MCC: variants seen among roughly 807,000 people sequenced by gnomAD.
MCC encodes MCC regulator of Wnt signaling pathway, also known as colorectal mutant cancer protein.
Under a neutral mutation model 116.2 loss-of-function variants are expected in MCC, and 90 were observed. The ratio of observed to expected loss-of-function variants is 0.77; its 90% CI spans 0.65 to 0.92. The LOEUF (loss-of-function observed/expected upper bound fraction) is 0.92, where lower values mean the gene tolerates loss of function less well. Among genes scored for constraint, MCC ranks in the 40% least tolerant of loss-of-function variants. The pLI, the probability that MCC is intolerant of heterozygous loss-of-function variation, is 0.00. For synonymous variants in MCC, 578 were observed against 510.5 expected (o/e 1.13, Z -1.78); for missense variants, 1,516 against 1,312.2 (o/e 1.16, Z -2.40).
intron 8 of MCC, among the ~76,000 whole-genome samples, chr5:113,101,041 A>T (rs1756375652): frequency 6.6e-6 from 1 of 152,198 alleles, no homozygotes; most frequent in Non-Finnish European, 1.5e-5. Context: ...AGGCTTTAAC[A>T]ATTCTGCCGA....
At chr5:113,367,546 A>G (rs1269305379) in intron 2 of MCC, among the ~76,000 whole-genome samples, 1 of 148,390 alleles carries the variant, frequency 6.7e-6, no homozygotes, top group Non-Finnish European at 1.5e-5. Context: ...TCTCATTGCA[A>G]TAGAAATTGA....
At chr5:113,284,491 C>T (rs760482388) in intron 3 of MCC, among the ~76,000 whole-genome samples, 9 of 152,052 alleles carry the variant, frequency 5.9e-5, no homozygotes, top group Non-Finnish European at 1.2e-4. Flanking sequence ...AAACACATAC[C>T]TTAATGTAAA....
intron 8 of MCC, among the ~76,000 whole-genome samples, chr5:113,089,625 T>C (rs1485841433): frequency 6.6e-6 from 1 of 152,262 alleles, no homozygotes; most frequent in Non-Finnish European, 1.5e-5. Context: ...CTATCTGCTA[T>C]GGTAGCCTGG....
At chr5:113,051,317 G>T (rs1330542253) in intron 15 of MCC, among the ~76,000 whole-genome samples, 2 of 152,124 alleles carry the variant, frequency 1.3e-5, no homozygotes, top group Non-Finnish European at 2.9e-5. Flanking sequence ...GATGCAAAAA[G>T]TAAGAGTCAG....
chr5:113,322,028 C>T (rs565830918), intron 3 of MCC, among the ~76,000 whole-genome samples: 1 of 152,276 alleles, frequency 6.6e-6, no homozygotes, highest in East Asian at 1.9e-4. Context: ...GACGGAGTTT[C>T]ACCTTATTGG....
chr5:113,046,710 A>AG (rs1554107698), intron 16 of MCC, among the ~76,000 whole-genome samples: 1,160 of 102,426 alleles, frequency 0.011, 192 homozygotes, highest in Non-Finnish European at 0.017. Context: ...AAAAAAAAAA[A>AG]AGAGAGAGAT....
Position 113,025,244 on chromosome 5 carries a change from T to TA in MCC, c.*2057_*2058insT, listed in dbSNP as rs1424008732. On this transcript the variant is annotated 3_prime_UTR_variant, in exon 19 of 19. Coordinates refer to ENST00000408903, the MANE Select transcript of MCC (RefSeq NM_001085377.2). ...AAGCTGGAAAAATAGTGAAAACTGA[T>TA]TTTTTTTTTTTTGGGGCATATGTTT... The TA allele has an allele frequency of 2.3e-4, 10 of 44,318 alleles. No individual in the cohort carries two copies. Among genetic ancestry groups the TA allele is most frequent in the African/African-American group, 4.7e-4 (10 of 21,160 alleles). 2.7% of individuals were successfully genotyped at this position (44,318 alleles called of 1,614,324 possible). A position where few individuals can be genotyped will look rare whatever the true frequency, so the allele number is the denominator to read the frequency against.
intron 8 of MCC, among the ~76,000 whole-genome samples, chr5:113,095,345 G>A (rs887873518): frequency 3.3e-5 from 5 of 152,096 alleles, no homozygotes; most frequent in African/African-American, 1.2e-4. Flanking sequence ...GTAGACTTGG[G>A]CAAGATTGTT....
intron 3 of MCC, among the ~76,000 whole-genome samples, chr5:113,171,375 A>G (rs555749887): frequency 1.7e-4 from 26 of 151,492 alleles, no homozygotes; most frequent in Admixed American, 1.4e-3. Context: ...TTAATTTTTG[A>G]GACAGAGTGT....
intron 1 of MCC, among the ~76,000 whole-genome samples, chr5:113,475,931 T>A: frequency 6.6e-6 from 1 of 152,220 alleles, no homozygotes; most frequent in South Asian, 2.1e-4. Flanking sequence ...CTAATTCCTG[T>A]TGCAAAGATT....
intron 2 of MCC, among the ~76,000 whole-genome samples, chr5:113,367,495 TTC>T (rs1458520313): frequency 6.6e-6 from 1 of 152,020 alleles, no homozygotes; most frequent in South Asian, 2.1e-4. Flanking sequence ...TCTGTTTTCA[TTC>T]TCTTTCATGT....
chr5:113,328,310 G>A (rs1375653336), intron 3 of MCC, among the ~76,000 whole-genome samples: 2 of 152,196 alleles, frequency 1.3e-5, no homozygotes, highest in Non-Finnish European at 2.9e-5. Context: ...ATAATCGTAG[G>A]AACACATTAA....
At chr5:113,467,354 T>C (rs1771939929) in intron 1 of MCC, among the ~76,000 whole-genome samples, 1 of 151,310 alleles carries the variant, frequency 6.6e-6, no homozygotes, top group East Asian at 1.9e-4. Context: ...CCTGAATTAA[T>C]TTTTGTATAA....
At chr5:113,307,219 AGTCT>A (rs1309394495) in intron 3 of MCC, among the ~76,000 whole-genome samples, 7 of 152,160 alleles carry the variant, frequency 4.6e-5, no homozygotes, top group Non-Finnish European at 1.0e-4. Context: ...GCGTGCACGG[AGTCT>A]GTAGATCAGT....
In MCC at chr5:113,419,986, C is replaced by T. The variant is rs1050642737; in HGVS notation, c.171-34774G>A. ...TGTATACATATGTAACAAACCTGCA[C>T]GTTGTGCACATGTACCCTAAAACTT... On this transcript the variant is annotated intron_variant, in intron 1 of 18. Transcript: ENST00000408903. Among the ~76,000 whole-genome samples, 16 of 148,860 alleles carry T rather than the reference C, an allele frequency of 1.1e-4. No individual in the cohort carries two copies. In the East Asian group the frequency reaches 2.4e-3, roughly 22 times the overall value.
At chr5:113,183,168 C>T (rs944171638) in intron 3 of MCC, among the ~76,000 whole-genome samples, 1 of 152,132 alleles carries the variant, frequency 6.6e-6, no homozygotes, top group Non-Finnish European at 1.5e-5. Context: ...GCCCCATCTG[C>T]TCCTCAGTGT....
chr5:113,150,610 A>G (rs1445775480), intron 4 of MCC, among the ~76,000 whole-genome samples: 1 of 152,108 alleles, frequency 6.6e-6, no homozygotes, highest in Non-Finnish European at 1.5e-5. Flanking sequence ...TAAAAACAAC[A>G]CATAATACCC....
At chr5:113,054,540 T>C (rs1752688211) in intron 14 of MCC, among the ~76,000 whole-genome samples, 1 of 152,256 alleles carries the variant, frequency 6.6e-6, no homozygotes, top group Admixed American at 6.5e-5. Context: ...TCCCAGGCTG[T>C]GGCAGCCGTC....
intron 3 of MCC, among the ~76,000 whole-genome samples, chr5:113,302,856 AAAGT>A (rs1282980504): frequency 6.6e-6 from 1 of 152,252 alleles, no homozygotes; most frequent in Admixed American, 6.5e-5. Context: ...AAGTGCCATA[AAAGT>A]AAGGCAAGGA....
Sources: allele counts gnomAD v4.1 joint callset (sites outside exome capture counted in the v4.1 genomes callset), GRCh38; gene constraint gnomAD v4.1.1; transcripts MANE v1.5; gene names NCBI Gene and HGNC (gene_info 2026-07-23, HGNC 2026-07-21).